Variants in SPATA17 observed in about 807,000 individuals in gnomAD.
SPATA17 encodes spermatogenesis associated 17.
Under a neutral mutation model 62.2 loss-of-function variants are expected in SPATA17, and 53 were observed. The ratio of observed to expected loss-of-function variants is 0.85; its 90% CI spans 0.68 to 1.07. The LOEUF (loss-of-function observed/expected upper bound fraction) is 1.07, where lower values mean the gene tolerates loss of function less well. Ranked by LOEUF, SPATA17 falls within the 50% of genes least tolerant of loss-of-function variation. The probability of loss-of-function intolerance (pLI) is 0.00; values close to 1 mark genes in which losing one functional copy is unlikely to be tolerated. For missense variants in SPATA17, 466 were observed against 425.5 expected, an observed-to-expected ratio of 1.10 and a Z score of -0.84; for synonymous variants, 146 against 146.8, an observed-to-expected ratio of 0.99 and a Z score of 0.04.
rs889155173 is a variant in SPATA17, at chr1:217,862,768, T to A, written c.1006-6T>A. The A allele has an allele frequency of 1.3e-6, 2 of 1,596,450 alleles. No homozygotes were observed. The highest frequency in any genetic ancestry group is 1.7e-6 in the Non-Finnish European group (2 of 1,170,126). On this transcript the variant is annotated splice_region_variant and splice_polypyrimidine_tract_variant and intron_variant, in intron 9 of 10. Transcript: ENST00000366933. Reference sequence around the variant, plus strand: ...CTGTGGTAATCTTTGAACTTTTTCCTCCTAGGATTTCCAGACTGTATTACC... The same window carrying A: ...CTGTGGTAATCTTTGAACTTTTTCCACCTAGGATTTCCAGACTGTATTACC...
At chr1:217,773,066 GA>G (rs1673493774) in intron 6 of SPATA17, among the ~76,000 whole-genome samples, 1 of 152,100 alleles carries the variant, frequency 6.6e-6, no homozygotes, top group African/African-American at 2.4e-5. Context: ...GTTGCATTTG[GA>G]ATAGGATATT....
intron 9 of SPATA17, among the ~76,000 whole-genome samples, chr1:217,845,978 A>G (rs375463985): frequency 8.5e-5 from 13 of 152,236 alleles, no homozygotes; most frequent in Admixed American, 1.3e-4. Flanking sequence ...GATTTCTTGG[A>G]AGAGGAAATT....
At chr1:217,805,770 A>C (rs1427501454) in intron 9 of SPATA17, among the ~76,000 whole-genome samples, 1 of 152,256 alleles carries the variant, frequency 6.6e-6, no homozygotes, top group Non-Finnish European at 1.5e-5. Context: ...TAGAATGGCT[A>C]TTAACAAAAA....
chr1:217,657,576 A>C (rs189394192), intron 3 of SPATA17, among the ~76,000 whole-genome samples: 1 of 152,322 alleles, frequency 6.6e-6, no homozygotes, highest in East Asian at 1.9e-4. Context: ...GTTTGCTTAA[A>C]TCATCATTTT....
chr1:217,673,960 G>T (rs553495623), intron 4 of SPATA17, among the ~76,000 whole-genome samples: 6 of 151,928 alleles, frequency 3.9e-5, no homozygotes, highest in South Asian at 2.1e-4. Flanking sequence ...TTTGCTGATT[G>T]GCTGACCCCA....
At chr1:217,683,909 T>C (rs1558564675) in intron 5 of SPATA17, among the ~76,000 whole-genome samples, 3 of 152,086 alleles carry the variant, frequency 2.0e-5, no homozygotes, top group Non-Finnish European at 4.4e-5. Context: ...ATGTGTGTAG[T>C]ATCTTGGTCC....
At chr1:217,687,448 A>G (rs1671241101) in intron 5 of SPATA17, among the ~76,000 whole-genome samples, 1 of 152,234 alleles carries the variant, frequency 6.6e-6, no homozygotes, top group South Asian at 2.1e-4. Flanking sequence ...CACATACCAC[A>G]TAATGATGTT....
At chr1:217,842,815 G>A (rs1389556104) in intron 9 of SPATA17, among the ~76,000 whole-genome samples, 2 of 151,604 alleles carry the variant, frequency 1.3e-5, no homozygotes, top group East Asian at 3.9e-4. Flanking sequence ...TGATTTTTCT[G>A]TTACTTCTTA....
At chr1:217,822,617 AATG>A (rs1674891908) in intron 9 of SPATA17, among the ~76,000 whole-genome samples, 1 of 148,400 alleles carries the variant, frequency 6.7e-6, no homozygotes, top group Non-Finnish European at 1.5e-5. Context: ...TATGATATAT[AATG>A]ATATGATGTA....
chr1:217,833,864 T>C (rs1675201309), intron 9 of SPATA17, among the ~76,000 whole-genome samples: 1 of 152,182 alleles, frequency 6.6e-6, no homozygotes, highest in Non-Finnish European at 1.5e-5. Context: ...AACCATTTTG[T>C]ACAACAATGC....
chr1:217,674,469 C>T (rs927645218), intron 4 of SPATA17, among the ~76,000 whole-genome samples: 2 of 152,178 alleles, frequency 1.3e-5, no homozygotes, highest in African/African-American at 2.4e-5. Flanking sequence ...CTGGCTGCTG[C>T]GACTGCATGC....
intron 3 of SPATA17, among the ~76,000 whole-genome samples, chr1:217,655,691 G>A (rs1434535430): frequency 8.6e-5 from 13 of 151,960 alleles, no homozygotes; most frequent in Admixed American, 8.5e-4. Context: ...GTATTTATAT[G>A]AGTATGAAGT....
chr1:217,860,179 T>C (rs892270436), intron 9 of SPATA17, among the ~76,000 whole-genome samples: 1 of 152,246 alleles, frequency 6.6e-6, no homozygotes, highest in Non-Finnish European at 1.5e-5. Context: ...AGAAGTGCAT[T>C]GTTTAATCGC....
intron 9 of SPATA17, among the ~76,000 whole-genome samples, chr1:217,861,666 T>G (rs1675900050): frequency 6.6e-6 from 1 of 152,220 alleles, no homozygotes; most frequent in South Asian, 2.1e-4. Flanking sequence ...AAAATGATAT[T>G]TCATTATGTA....
chr1:217,826,358 T>C (rs1675001955), intron 9 of SPATA17, among the ~76,000 whole-genome samples: 1 of 152,132 alleles, frequency 6.6e-6, no homozygotes, highest in Non-Finnish European at 1.5e-5. Flanking sequence ...ATAGTCACAT[T>C]GGAGTATAGA....
chr1:217,667,341 C>T (rs1358965084), intron 3 of SPATA17, among the ~76,000 whole-genome samples: 1 of 152,086 alleles, frequency 6.6e-6, no homozygotes, highest in Non-Finnish European at 1.5e-5. Context: ...GCTACCATGC[C>T]TGGCCTAGAA....
chr1:217,631,377 C>T lies in SPATA17; in HGVS notation c.-2C>T. ...CAGTTGTAAACCCAAGGCCAAGAGA[C>T]CATGGCCACGTTAGCCCGGCTGCAA... On this transcript the variant is annotated 5_prime_UTR_variant, in exon 1 of 11. Coordinates refer to ENST00000366933, the MANE Select transcript of SPATA17 (RefSeq NM_138796.4). The T allele has an allele frequency of 6.2e-7, 1 of 1,614,074 alleles. No homozygotes were observed. The highest frequency in any genetic ancestry group is 8.5e-7 in the Non-Finnish European group (1 of 1,180,002).
chr1:217,632,764 A>G (rs1199127011), intron 1 of SPATA17, among the ~76,000 whole-genome samples: 1 of 152,212 alleles, frequency 6.6e-6, no homozygotes, highest in Non-Finnish European at 1.5e-5. Flanking sequence ...AAGTAAACAT[A>G]CTAACAATAG....
At chr1:217,831,191 T>C (rs1675130419) in intron 9 of SPATA17, among the ~76,000 whole-genome samples, 1 of 152,196 alleles carries the variant, frequency 6.6e-6, no homozygotes. Flanking sequence ...GTAGTTATTA[T>C]GCTGTCTAAC....
Sources: gnomAD v4.1 joint callset for allele counts (sites outside exome capture counted in the v4.1 genomes callset) on GRCh38, gnomAD v4.1.1 for gene constraint, MANE v1.5 for transcripts, NCBI Gene and HGNC (gene_info 2026-07-23, HGNC 2026-07-21) for gene names.